Variants in FAM3B observed in about 807,000 individuals in gnomAD.
FAM3B encodes the protein FAM3 metabolism regulating signaling molecule B.
FAM3B carries 29 observed loss-of-function variants against 28.4 expected under a neutral mutation model. The ratio of observed to expected loss-of-function variants is 1.02; its 90% CI spans 0.76 to 1.39. FAM3B has a LOEUF of 1.39. FAM3B is among the 40% of genes most tolerant of loss of function. The probability of loss-of-function intolerance (pLI) is 0.00; values close to 1 mark genes in which losing one functional copy is unlikely to be tolerated. For synonymous variants in FAM3B, 91 were observed against 103.0 expected (o/e 0.88, Z 0.71); for missense variants, 266 against 293.9 (o/e 0.91, Z 0.69).
At chr21:41,350,400 A>G (rs1040014367) in intron 7 of FAM3B, among the ~76,000 whole-genome samples, 3 of 152,172 alleles carry the variant, frequency 2.0e-5, no homozygotes, top group Non-Finnish European at 4.4e-5. Context: ...GCTCAGAATC[A>G]TCACCTGTGA....
At chr21:41,347,315 C>T (rs2089070961) in intron 6 of FAM3B, among the ~76,000 whole-genome samples, 1 of 152,088 alleles carries the variant, frequency 6.6e-6, no homozygotes, top group African/African-American at 2.4e-5. Context: ...GAACCTAAAT[C>T]AAAGGAGTAT....
At chr21:41,344,820 G>A (rs139947370) in intron 4 of FAM3B, among the ~76,000 whole-genome samples, 1 of 152,196 alleles carries the variant, frequency 6.6e-6, no homozygotes, top group Non-Finnish European at 1.5e-5. Context: ...GGCCGCCAAG[G>A]GGGTGCAGCC....
intron 2 of FAM3B, among the ~76,000 whole-genome samples, chr21:41,337,473 C>T (rs967163165): frequency 1.3e-5 from 2 of 152,144 alleles, no homozygotes; most frequent in African/African-American, 4.8e-5. Flanking sequence ...ATTGCTGACC[C>T]CTGTGAAATA....
chr21:41,311,312 G>C, intron 1 of FAM3B, among the ~76,000 whole-genome samples: 1 of 93,364 alleles, frequency 1.1e-5, no homozygotes, highest in Admixed American at 1.4e-4. Flanking sequence ...ATATACAAAA[G>C]TTAGTTGGGT....
intron 1 of FAM3B, among the ~76,000 whole-genome samples, chr21:41,307,904 G>T (rs1317992502): frequency 1.3e-5 from 2 of 152,172 alleles, no homozygotes; most frequent in African/African-American, 4.8e-5. Flanking sequence ...GCGCCACAGA[G>T]ACAGGAAGTA....
rs190900764 is a variant in FAM3B, at chr21:41,347,196, A to G, written c.485+96A>G. 4.0e-4 allele frequency: 392 copies of G among 990,246 alleles called. 2 individuals carry two copies. In the African/African-American group the frequency reaches 5.6e-3, roughly 14 times the overall value. 61.3% of individuals were successfully genotyped at this position (990,246 alleles called of 1,614,324 possible). On this transcript the variant is annotated intron_variant, in intron 6 of 7. Transcript: ENST00000357985. ...TCAGTGACATCCTCTGGGGACAAGC[A>G]GAAAGTCCAGGAGCAAAGTACTTCT...
intron 2 of FAM3B, among the ~76,000 whole-genome samples, chr21:41,337,229 A>G (rs1438521394): frequency 1.3e-5 from 2 of 152,214 alleles, no homozygotes; most frequent in Non-Finnish European, 2.9e-5. Context: ...TTAAGGTGAG[A>G]GAGTGAGAGA....
At chr21:41,342,854 G>T (rs545942122) in intron 3 of FAM3B, among the ~76,000 whole-genome samples, 1 of 152,118 alleles carries the variant, frequency 6.6e-6, no homozygotes, top group Non-Finnish European at 1.5e-5. Flanking sequence ...TCTTGTGTGC[G>T]TTGGCCTTTT....
At chr21:41,354,638 A>G (rs1452980337) in intron 7 of FAM3B, among the ~76,000 whole-genome samples, 4 of 152,184 alleles carry the variant, frequency 2.6e-5, no homozygotes, top group Non-Finnish European at 4.4e-5. Context: ...ATGAGAATAC[A>G]TGGTCACATA....
upstream of FAM3B, among the ~76,000 whole-genome samples, chr21:41,315,116 G>T (rs561344151): frequency 5.3e-5 from 8 of 152,254 alleles, no homozygotes; most frequent in African/African-American, 1.9e-4. Flanking sequence ...AAAAAGAAAA[G>T]AAATTTTGAC....
chr21:41,323,833 G>A (rs1231048582), intron 2 of FAM3B, among the ~76,000 whole-genome samples: 1 of 152,232 alleles, frequency 6.6e-6, no homozygotes, highest in Non-Finnish European at 1.5e-5. Flanking sequence ...TCTGAGGGCT[G>A]TGTGCCAGTT....
At position 41,326,640 on chromosome 21, in the gene FAM3B, C is replaced by T. The variant is rs758207535; in HGVS notation, c.163+3574C>T. ...CGTGGGGACCTGCTCGTTCTGCTGCCGATCCCGTAGGGGAAGTCCCTGGGG... is the reference window on the plus strand; with the variant it reads ...CGTGGGGACCTGCTCGTTCTGCTGCTGATCCCGTAGGGGAAGTCCCTGGGG... On this transcript the variant is annotated intron_variant, in intron 2 of 7. Coordinates refer to ENST00000357985, the MANE Select transcript of FAM3B (RefSeq NM_058186.4). The surrounding 1 kb of genome is among the most constrained non-coding windows in gnomAD (Gnocchi z 4.0). Among the ~76,000 whole-genome samples the T allele has an allele frequency of 2.2e-4, 34 of 152,236 alleles. 1 individual carries two copies. The highest frequency in any genetic ancestry group is 2.0e-3 in the Admixed American group (30 of 15,290).
chr21:41,346,798 C>T (rs1235436039), intron 5 of FAM3B, among the ~76,000 whole-genome samples: 1 of 152,120 alleles, frequency 6.6e-6, no homozygotes. Flanking sequence ...TTTCCTTCTA[C>T]GCTGTGCCAC....
chr21:41,319,040 A>G (rs115623859), intron 1 of FAM3B, among the ~76,000 whole-genome samples: 3,695 of 152,242 alleles, frequency 0.024, 161 homozygotes, highest in African/African-American at 0.084. Flanking sequence ...GTGCAGGCAC[A>G]TGCCACCATG....
chr21:41,338,105 G>A (rs1447865743), intron 2 of FAM3B, among the ~76,000 whole-genome samples: 2 of 151,760 alleles, frequency 1.3e-5, no homozygotes, highest in Non-Finnish European at 2.9e-5. Flanking sequence ...GGGCAGCCAT[G>A]GGCAGTGATT....
At chr21:41,309,693 CAG>C (rs2088699545) in intron 1 of FAM3B, among the ~76,000 whole-genome samples, 1 of 152,200 alleles carries the variant, frequency 6.6e-6, no homozygotes, top group Non-Finnish European at 1.5e-5. Context: ...ACAGGGGAAA[CAG>C]TTTGCAGCAG....
chr21:41,345,539 C>T lies in FAM3B; in HGVS notation c.347-147C>T, dbSNP rs182175762. On this transcript the variant is annotated intron_variant, in intron 4 of 7. Transcript: ENST00000357985. ...TTGGGGACTCTCCTCAAGGGGCCCG[C>T]CCTGTCTCTGCAGGCTGGGTCATTA... 2.9e-4 allele frequency: 159 copies of T among 548,858 alleles called. No homozygotes were observed. In the African/African-American group the frequency reaches 3.0e-3, roughly 10 times the overall value. 34.0% of individuals were successfully genotyped at this position (548,858 alleles called of 1,614,324 possible). A position where few individuals can be genotyped will look rare whatever the true frequency, so the allele number is the denominator to read the frequency against.
At position 41,334,047 on chromosome 21, in the gene FAM3B, T is replaced by G. The variant is rs116687949; in HGVS notation, c.164-4331T>G. Among the ~76,000 whole-genome samples the G allele has an allele frequency of 3.8e-3, 575 of 152,334 alleles. 5 individuals carry two copies. Among genetic ancestry groups the G allele is most frequent in the African/African-American group, 0.013 (552 of 41,576 alleles). On this transcript the variant is annotated intron_variant, in intron 2 of 7. Transcript: ENST00000357985. ...ATTTAGGGTATCTGATGGAATAAAT[T>G]TCTAAGCAGCAAAGCATTTAAGATA... is the stretch of plus-strand genomic sequence containing the variant.
At chr21:41,332,477 A>G (rs1002739911) in intron 2 of FAM3B, among the ~76,000 whole-genome samples, 1 of 152,154 alleles carries the variant, frequency 6.6e-6, no homozygotes, top group South Asian at 2.1e-4. Flanking sequence ...ATTGACCTAC[A>G]CTTTTATTTT....
Sources: allele counts gnomAD v4.1 joint callset (sites outside exome capture counted in the v4.1 genomes callset), GRCh38; gene constraint gnomAD v4.1.1; non-coding constraint Gnocchi (gnomAD v3.1); transcripts MANE v1.5; gene names NCBI Gene and HGNC (gene_info 2026-07-23, HGNC 2026-07-21).